PIGN: variants seen among roughly 807,000 people sequenced by gnomAD.
PIGN encodes the protein phosphatidylinositol glycan anchor biosynthesis class N.
A neutral mutation model predicts 125.4 loss-of-function variants in PIGN; 117 were observed. The ratio of observed to expected loss-of-function variants is 0.93; its 90% CI spans 0.80 to 1.09. The LOEUF is 1.09. PIGN is among the 50% of genes least tolerant of loss of function. The pLI is 0.00. For synonymous variants in PIGN, 392 were observed against 377.8 expected (o/e 1.04, Z -0.44); for missense variants, 1,075 against 1,094.9 (o/e 0.98, Z 0.26).
chr18:62,018,436 T>C (rs2030009359), intron 23 of PIGN, among the ~76,000 whole-genome samples: 1 of 152,240 alleles, frequency 6.6e-6, no homozygotes, highest in African/African-American at 2.4e-5. Context: ...TCTTTTCCTA[T>C]TAAGATTTAC....
chr18:62,047,688 C>G (rs1000170153), intron 30 of PIGN, among the ~76,000 whole-genome samples: 3 of 152,104 alleles, frequency 2.0e-5, no homozygotes, highest in Non-Finnish European at 2.9e-5. Context: ...TCCCCTCTTC[C>G]CCTGCCATAG....
chr18:62,025,403 A>G (rs942427032), intron 23 of PIGN, among the ~76,000 whole-genome samples: 2 of 152,158 alleles, frequency 1.3e-5, no homozygotes, highest in Non-Finnish European at 2.9e-5. Context: ...TAGGTGTTTC[A>G]GGCACAATTA....
chr18:62,018,846 G>T (rs150229674), intron 23 of PIGN, among the ~76,000 whole-genome samples: 127 of 152,028 alleles, frequency 8.4e-4, no homozygotes, highest in Admixed American at 3.5e-3. Flanking sequence ...ATCTACAGAA[G>T]AAAACACACG....
At chr18:62,102,113 G>A (rs1431370479) in intron 21 of PIGN, among the ~76,000 whole-genome samples, 1 of 151,586 alleles carries the variant, frequency 6.6e-6, no homozygotes, top group Non-Finnish European at 1.5e-5. Context: ...TGTAATCCCA[G>A]CTACTCAAGA....
intron 25 of PIGN, among the ~76,000 whole-genome samples, chr18:62,087,993 A>G (rs1047032243): frequency 5.9e-5 from 9 of 152,160 alleles, no homozygotes; most frequent in African/African-American, 2.2e-4. Flanking sequence ...GAAATGCGCT[A>G]AGAGAGCTGA....
At chr18:62,088,593 T>C (rs2033818139) in intron 25 of PIGN, 163 bp downstream of exon 25, 1 of 525,046 alleles carries the variant, frequency 1.9e-6, no homozygotes, top group East Asian at 3.6e-5. Context: ...TTTTCTATAG[T>C]TCAAAAAAAT....
chr18:62,041,151 A>G (rs1034696753), downstream of PIGN: 2 of 152,226 alleles, frequency 1.3e-5, no homozygotes, highest in Non-Finnish European at 2.9e-5. Context: ...CTGTCAAATC[A>G]TAAGAAAACA....
chr18:62,168,237 A>G, intron 1 of PIGN, among the ~76,000 whole-genome samples: 1 of 152,024 alleles, frequency 6.6e-6, no homozygotes, highest in East Asian at 1.9e-4. Flanking sequence ...CTTTCTGGTT[A>G]TTATATTTTA....
chr18:62,147,937 G>T (rs1368355749), intron 8 of PIGN, among the ~76,000 whole-genome samples: 4 of 151,728 alleles, frequency 2.6e-5, no homozygotes, highest in African/African-American at 9.7e-5. Flanking sequence ...AAAATATATA[G>T]ATATTTTAGA....
chr18:62,113,225 A>G lies in PIGN; in HGVS notation c.1343T>C (p.Val448Ala), dbSNP rs2146577635. The change falls in exon 16 of 31, where the codon GTT becomes GCT. Residue 448 changes from valine (V) to alanine (A), a missense_variant. By Grantham distance (64) the Val-to-Ala change is moderately conservative. Transcript: ENST00000640252. ...YDRFFLGVNV[V>A]IGFVGWISYA... ...AGATATCCATCCCACAAAACCAATAACAACATTGACGCCCAAAAAGAATCT... is the reference window on the plus strand; with the variant it reads ...AGATATCCATCCCACAAAACCAATAGCAACATTGACGCCCAAAAAGAATCT... 1.9e-6 allele frequency: 3 copies of G among 1,613,028 alleles called. No homozygotes were observed. The highest frequency in any genetic ancestry group is 2.5e-6 in the Non-Finnish European group (3 of 1,179,352).
At chr18:62,104,276 C>T (rs917305025) in intron 20 of PIGN, among the ~76,000 whole-genome samples, 48 of 152,060 alleles carry the variant, frequency 3.2e-4, no homozygotes, top group Non-Finnish European at 5.9e-4. Flanking sequence ...TAGTAGAATA[C>T]GCAAGTGGCA....
chr18:62,073,298 G>A (rs373617621), intron 29 of PIGN, among the ~76,000 whole-genome samples: 1 of 151,968 alleles, frequency 6.6e-6, no homozygotes, highest in South Asian at 2.1e-4. Context: ...TGGAAGGGAA[G>A]GCTTCCCATT....
At chr18:62,172,864 G>A (rs187451257) in intron 1 of PIGN, among the ~76,000 whole-genome samples, 9 of 152,220 alleles carry the variant, frequency 5.9e-5, no homozygotes, top group African/African-American at 1.9e-4. Flanking sequence ...TTCTAGTAAA[G>A]CCACTGTTAC....
At chr18:62,178,031 AT>A (rs901059578) in intron 1 of PIGN, among the ~76,000 whole-genome samples, 12 of 152,054 alleles carry the variant, frequency 7.9e-5, no homozygotes, top group African/African-American at 2.9e-4. Context: ...TTTGCGGGGG[AT>A]AAAGATGGGA....
At chr18:62,048,765 A>G (rs1196049401) in intron 30 of PIGN, among the ~76,000 whole-genome samples, 1 of 149,912 alleles carries the variant, frequency 6.7e-6, no homozygotes, top group Admixed American at 6.6e-5. Context: ...GGTTAGTTAC[A>G]TATGTATACA....
In PIGN at chr18:62,138,301, G is replaced by C; in HGVS notation, c.1117-3C>G. 6.5e-7 allele frequency: 1 copy of C among 1,536,060 alleles called. No homozygotes were observed. Among genetic ancestry groups the C allele is most frequent in the South Asian group, 1.2e-5 (1 of 80,242 alleles). ...TCTTTCTTCTGAGTCATTTTCACCT[G>C]GGAACCAAGTATGAAAATATTACAA... On this transcript the variant is annotated splice_polypyrimidine_tract_variant and splice_region_variant and intron_variant, in intron 13 of 30. Coordinates refer to ENST00000640252, the MANE Select transcript of PIGN (RefSeq NM_176787.5).
chr18:62,090,522 A>C lies in PIGN; in HGVS notation c.2237T>G (p.Ile746Arg), dbSNP rs771266203. 3.4e-5 allele frequency: 54 copies of C among 1,611,622 alleles called. No homozygotes were observed. Among genetic ancestry groups the C allele is most frequent in the Non-Finnish European group, 4.6e-5 (54 of 1,178,588 alleles). The change falls in exon 24 of 31, where the codon ATA becomes AGA. Residue 746 changes from isoleucine to arginine, a missense_variant. By Grantham distance (97) the Ile-to-Arg change is moderately conservative. Transcript: ENST00000640252. The stretch of plus-strand genomic sequence containing the variant: ...AGATTGTTGTAGAGTTTCTTGTTCT[A>C]TGTTTATCCAGACAAACATCAAACA... Reference protein sequence around the residue: ...LSCLMFVWINIEQETLQQSGV... With the variant: ...LSCLMFVWINREQETLQQSGV...
chr18:62,091,641 T>C (rs1312884835), intron 23 of PIGN, among the ~76,000 whole-genome samples: 1 of 152,178 alleles, frequency 6.6e-6, no homozygotes, highest in Non-Finnish European at 1.5e-5. Context: ...ACCTACAGGC[T>C]GGAGTGTAAA....
At chr18:62,175,394 A>G (rs2147892320) in intron 1 of PIGN, among the ~76,000 whole-genome samples, 1 of 152,254 alleles carries the variant, frequency 6.6e-6, no homozygotes, top group South Asian at 2.1e-4. Flanking sequence ...ACAGGTACTG[A>G]CCCCAAAACT....
Sources: gnomAD v4.1 joint callset for allele counts (sites outside exome capture counted in the v4.1 genomes callset) on GRCh38, gnomAD v4.1.1 for gene constraint, MANE v1.5 for transcripts, NCBI Gene and HGNC (gene_info 2026-07-23, HGNC 2026-07-21) for gene names.